The following SPACA6 variants were observed in gnomAD, a reference collection of about 807,000 sequenced individuals.
SPACA6 encodes the protein sperm acrosome associated 6, also known as sperm acrosome membrane-associated protein 6.
For synonymous variants in SPACA6, 6 were observed against 1.5 expected (o/e 4.05, Z -2.21); for missense variants, 8 against 2.8 (o/e 2.88, Z -1.34).
At chr19:51,695,072 TCACACA>T (rs148161713) in intron 2 of SPACA6, among the ~76,000 whole-genome samples, 1 of 151,506 alleles carries the variant, frequency 6.6e-6, no homozygotes, top group Non-Finnish European at 1.5e-5. Context: ...ACACTCACAC[TCACACA>T]CACACACAGA....
At chr19:51,707,528 CTG>C (rs917116270), downstream of SPACA6, among the ~76,000 whole-genome samples, 2 of 152,066 alleles carry the variant, frequency 1.3e-5, no homozygotes, top group Admixed American at 6.6e-5. Flanking sequence ...GGCCAGAAAA[CTG>C]TTTCTCTACT....
At chr19:51,693,839 ACAGT>A (rs1274086677) in intron 1 of SPACA6, 99 bp downstream of exon 1, 16 of 401,440 alleles carry the variant, frequency 4.0e-5, no homozygotes, top group Non-Finnish European at 6.1e-5. Context: ...ACAGAGAGAA[ACAGT>A]CAGAGGAGAA....
rs543871243 is a variant in SPACA6 at position 51,695,589 on chromosome 19, T to C, written c.292+1034T>C. On this transcript the variant is annotated intron_variant, in intron 2 of 8. Coordinates refer to ENST00000637797, the MANE Select transcript of SPACA6 (RefSeq NM_001316972.2). ...AAGGCCTCAGCTGTGGCTCTCCCCATCTCCACCCTAAAGGGAGACCTGAGG... is the reference window on the plus strand; with the variant it reads ...AAGGCCTCAGCTGTGGCTCTCCCCACCTCCACCCTAAAGGGAGACCTGAGG... Among the ~76,000 whole-genome samples the C allele has an allele frequency of 2.1e-4, 32 of 152,158 alleles. 1 individual carries two copies. The Middle Eastern group carries it at 0.017, about 81-fold the overall frequency.
chr19:51,693,171 G>C, upstream of SPACA6: 1 of 484,172 alleles, frequency 2.1e-6, no homozygotes, highest in East Asian at 4.5e-5. Flanking sequence ...TGGTCTTTCT[G>C]TCTCTGGCTC....
upstream of SPACA6, chr19:51,689,536 G>A (rs2083351802): frequency 6.6e-6 from 1 of 151,974 alleles, no homozygotes; most frequent in African/African-American, 2.4e-5. Flanking sequence ...GCGGGCCCGG[G>A]GCGGCGGAGA....
At position 51,703,522 on chromosome 19, in the gene SPACA6, G is replaced by C. The variant is rs1280964140; in HGVS notation, c.573+185G>C. Among the ~76,000 whole-genome samples, 1 of 152,140 alleles carries C rather than the reference G, an allele frequency of 6.6e-6. No individual in the cohort carries two copies. The highest frequency in any genetic ancestry group is 1.5e-5 in the Non-Finnish European group (1 of 68,032). On this transcript the variant is annotated intron_variant, in intron 6 of 8. Coordinates refer to ENST00000637797, the MANE Select transcript of SPACA6 (RefSeq NM_001316972.2). The surrounding 1 kb of genome is among the most constrained non-coding windows in gnomAD (Gnocchi z 4.2). Reference sequence around the variant, plus strand: ...TCAGAATGCAGGACCAAGGACCTGGGGCGATGGCTCACGCCTGTAATCCCA... The same window carrying C: ...TCAGAATGCAGGACCAAGGACCTGGCGCGATGGCTCACGCCTGTAATCCCA...
chr19:51,684,585 G>A (rs190116471), upstream of SPACA6, among the ~76,000 whole-genome samples: 1 of 152,200 alleles, frequency 6.6e-6, no homozygotes, highest in African/African-American at 2.4e-5. Context: ...ATTTAATGGT[G>A]TAATAGGAGA....
upstream of SPACA6, among the ~76,000 whole-genome samples, chr19:51,688,653 G>A (rs1246124427): frequency 6.6e-6 from 1 of 152,074 alleles, no homozygotes; most frequent in East Asian, 1.9e-4. Flanking sequence ...GGAGAGAGGG[G>A]AGGAGAAAGC....
chr19:51,708,161 C>G (rs900281086), downstream of SPACA6, among the ~76,000 whole-genome samples: 2 of 152,108 alleles, frequency 1.3e-5, no homozygotes, highest in African/African-American at 4.8e-5. Context: ...CAGCGCTCTT[C>G]CAGGAGACCA....
rs901961409 is a variant in SPACA6, at chr19:51,693,734, G to A, written c.208G>A (p.Glu70Lys). Residue 70 changes from glutamate to lysine, a missense_variant, in exon 1 of 9, where the codon GAA becomes AAA. Glu to Lys is a moderately conservative substitution (Grantham distance 56, BLOSUM62 1). Transcript: ENST00000637797. ...TAAFQGLSDT[E>K]INYDERSHLH... ...CGCCTTCCAGGGCCTCTCTGACACCGAAATCAGTGAGGAGACCATCCACAC... is the reference window on the plus strand; with the variant it reads ...CGCCTTCCAGGGCCTCTCTGACACCAAAATCAGTGAGGAGACCATCCACAC... 7 of 406,902 alleles carry A rather than the reference G, an allele frequency of 1.7e-5. No individual in the cohort carries two copies. Among genetic ancestry groups the A allele is most frequent in the South Asian group, 1.2e-4 (1 of 8,432 alleles). The allele number at this position is 406,902 out of a possible 1,614,324, so 25.2% of individuals were successfully genotyped here.
At chr19:51,705,701 A>AT (rs538814765), downstream of SPACA6, among the ~76,000 whole-genome samples, 173 of 124,452 alleles carry the variant, frequency 1.4e-3, no homozygotes, top group African/African-American at 6.2e-3. Flanking sequence ...GTTTTATTTT[A>AT]TTTTATTTTT....
upstream of SPACA6, chr19:51,686,242 A>T (rs2083327944): frequency 6.6e-6 from 1 of 152,218 alleles, no homozygotes; most frequent in Admixed American, 6.5e-5. Context: ...CTAATCCACA[A>T]GTCATTTATT....
In SPACA6 at chr19:51,704,254, G is replaced by T; in HGVS notation, c.731-16G>T. Reference sequence around the variant, plus strand: ...GGGGTGGGGCTCGTGCCTGGCTGACGTGCGCGCCCCCGCAGTGACGGGCCC... The same window carrying T: ...GGGGTGGGGCTCGTGCCTGGCTGACTTGCGCGCCCCCGCAGTGACGGGCCC... On this transcript the variant is annotated splice_polypyrimidine_tract_variant and intron_variant, in intron 7 of 8. Coordinates refer to ENST00000637797, the MANE Select transcript of SPACA6 (RefSeq NM_001316972.2). 1 of 400,740 alleles carries T rather than the reference G, an allele frequency of 2.5e-6. No homozygotes were observed. Among genetic ancestry groups the T allele is most frequent in the Non-Finnish European group, 4.4e-6 (1 of 225,968 alleles). The allele number at this position is 400,740 out of a possible 1,614,324, so 24.8% of individuals were successfully genotyped here.
intron 2 of SPACA6, among the ~76,000 whole-genome samples, chr19:51,698,429 A>G (rs945067336): frequency 1.3e-5 from 2 of 152,070 alleles, no homozygotes; most frequent in African/African-American, 2.4e-5. Context: ...CCCGGCCACC[A>G]TGGCTTACTT....
At chr19:51,709,763 GTGC>G (rs2083533676), downstream of SPACA6, among the ~76,000 whole-genome samples, 1 of 152,170 alleles carries the variant, frequency 6.6e-6, no homozygotes, top group South Asian at 2.1e-4. Flanking sequence ...TCGCTGTGAG[GTGC>G]TGCAGTAATC....
At chr19:51,690,909 G>C (rs1043976099), upstream of SPACA6, among the ~76,000 whole-genome samples, 5 of 151,914 alleles carry the variant, frequency 3.3e-5, no homozygotes, top group African/African-American at 4.8e-5. Context: ...GTTGGTGTGG[G>C]GGGGTGGGGG....
upstream of SPACA6, among the ~76,000 whole-genome samples, chr19:51,688,923 GA>G (rs2083343391): frequency 9.6e-6 from 1 of 104,072 alleles, no homozygotes; most frequent in Non-Finnish European, 2.0e-5. Context: ...GAGAGAGAAC[GA>G]GAGAGAAGGG....
At position 51,701,913 on chromosome 19, in the gene SPACA6, G is replaced by T. The variant is rs190588755; in HGVS notation, c.361+187G>T. ...CATGGTGATACCCATATCTACTAAA[G>T]ATACTAAAATTAGCTGGGCGTGGTA... On this transcript the variant is annotated intron_variant, in intron 3 of 8. Coordinates refer to ENST00000637797, the MANE Select transcript of SPACA6 (RefSeq NM_001316972.2). 1.1e-3 allele frequency: 378 copies of T among 351,958 alleles called. 1 individual carries two copies. Among genetic ancestry groups the T allele is most frequent in the African/African-American group, 7.6e-3 (360 of 47,598 alleles). 21.8% of individuals were successfully genotyped at this position (351,958 alleles called of 1,614,324 possible).
intron 2 of SPACA6, among the ~76,000 whole-genome samples, chr19:51,696,449 AGTTTTTTT>A (rs1374442245): frequency 6.6e-6 from 1 of 151,860 alleles, no homozygotes; most frequent in African/African-American, 2.4e-5. Context: ...AAGGGGTGAT[AGTTTTTTT>A]GTTTTTTTGA....
Sources: allele counts gnomAD v4.1 joint callset (sites outside exome capture counted in the v4.1 genomes callset), GRCh38; gene constraint gnomAD v4.1.1; non-coding constraint Gnocchi (gnomAD v3.1); transcripts MANE v1.5; gene names NCBI Gene and HGNC (gene_info 2026-07-23, HGNC 2026-07-21).